Variants in MAPKAP1 observed in about 807,000 individuals in gnomAD.
MAPKAP1 encodes the protein MAPK associated protein 1.
In MAPKAP1, 20 loss-of-function variants were observed where a neutral mutation model predicts 65.7. That is an observed-to-expected ratio of 0.30 (90% CI 0.21 to 0.44). The LOEUF is 0.44. Ranked by LOEUF, MAPKAP1 falls within the 20% of genes least tolerant of loss-of-function variation. The pLI, the probability that MAPKAP1 is intolerant of heterozygous loss-of-function variation, is 1.00. For missense variants in MAPKAP1, 423 were observed against 648.0 expected, an observed-to-expected ratio of 0.65 and a Z score of 3.77; for synonymous variants, 222 against 244.3, an observed-to-expected ratio of 0.91 and a Z score of 0.85.
intron 4 of MAPKAP1, among the ~76,000 whole-genome samples, chr9:125,593,684 A>G (rs1270129730): frequency 6.6e-6 from 1 of 152,166 alleles, no homozygotes; most frequent in Non-Finnish European, 1.5e-5. Context: ...AAAAAAAGGT[A>G]ATAAATTCAC....
chr9:125,620,184 C>G (rs957853066), intron 4 of MAPKAP1, among the ~76,000 whole-genome samples: 2 of 152,124 alleles, frequency 1.3e-5, no homozygotes, highest in African/African-American at 2.4e-5. Flanking sequence ...TGGGGCACAC[C>G]TGTAATCCCA....
intron 7 of MAPKAP1, among the ~76,000 whole-genome samples, chr9:125,512,621 G>A (rs1352067756): frequency 2.6e-5 from 4 of 151,494 alleles, no homozygotes; most frequent in African/African-American, 4.9e-5. Flanking sequence ...TTGCTCTGTC[G>A]CCCAGGTTGG....
intron 7 of MAPKAP1, among the ~76,000 whole-genome samples, chr9:125,523,659 C>T (rs1295088204): frequency 6.6e-6 from 1 of 152,238 alleles, no homozygotes; most frequent in African/African-American, 2.4e-5. Context: ...AGAAAAATTA[C>T]ATTGCCTCTG....
intron 5 of MAPKAP1, among the ~76,000 whole-genome samples, chr9:125,580,215 T>C (rs995226893): frequency 1.3e-5 from 2 of 152,248 alleles, no homozygotes; most frequent in African/African-American, 4.8e-5. Context: ...TAAATCATGC[T>C]GCTATAAAGA....
At chr9:125,491,828 C>T (rs1178231749) in intron 8 of MAPKAP1, among the ~76,000 whole-genome samples, 1 of 151,704 alleles carries the variant, frequency 6.6e-6, no homozygotes, top group African/African-American at 2.4e-5. Context: ...CTGTCATTAA[C>T]ATTAATGAAA....
At chr9:125,698,292 T>TATATATATATATA (rs1835467409) in intron 1 of MAPKAP1, among the ~76,000 whole-genome samples, 3 of 3,964 alleles carry the variant, frequency 7.6e-4, no homozygotes, top group African/African-American at 3.4e-3. Context: ...TATATAAATA[T>TATATATATATATA]ATATATATAT....
At chr9:125,633,931 A>T (rs1833355693) in intron 4 of MAPKAP1, among the ~76,000 whole-genome samples, 2 of 152,226 alleles carry the variant, frequency 1.3e-5, no homozygotes, top group African/African-American at 4.8e-5. Flanking sequence ...TGCAGTAATA[A>T]TCAGGTGAAA....
intron 5 of MAPKAP1, among the ~76,000 whole-genome samples, chr9:125,579,698 C>T (rs2131564402): frequency 6.6e-6 from 1 of 152,336 alleles, no homozygotes; most frequent in Non-Finnish European, 1.5e-5. Context: ...AAAGCTCTTT[C>T]ACAGGGCCAA....
At chr9:125,693,716 T>TAC (rs1227268305) in intron 1 of MAPKAP1, among the ~76,000 whole-genome samples, 1 of 67,994 alleles carries the variant, frequency 1.5e-5, no homozygotes, top group African/African-American at 4.2e-5. Flanking sequence ...TACACATATA[T>TAC]ACACGTATAT....
rs1294277561 is a variant in MAPKAP1, at chr9:125,544,029, T to TC, written c.849-862_849-861insG. Among the ~76,000 whole-genome samples, 205 of 151,390 alleles carry TC rather than the reference T, an allele frequency of 1.4e-3. 1 individual carries two copies. Among genetic ancestry groups the TC allele is most frequent in the Non-Finnish European group, 2.0e-3 (138 of 67,714 alleles). ...ATATTTCTTTATTCATACACACACT[T>TC]TTTTTTTTGAGATGTCTGTCACCCA... On this transcript the variant is annotated intron_variant, in intron 6 of 11. Coordinates refer to ENST00000265960, the MANE Select transcript of MAPKAP1 (RefSeq NM_001006617.3).
At chr9:125,531,066 G>A (rs1829919990) in intron 7 of MAPKAP1, among the ~76,000 whole-genome samples, 1 of 152,252 alleles carries the variant, frequency 6.6e-6, no homozygotes, top group African/African-American at 2.4e-5. Context: ...AAAGGGACAG[G>A]TGGCCTGGGG....
At chr9:125,630,500 T>C (rs961109503) in intron 4 of MAPKAP1, among the ~76,000 whole-genome samples, 3 of 152,150 alleles carry the variant, frequency 2.0e-5, no homozygotes, top group African/African-American at 7.2e-5. Flanking sequence ...AGGTGCTTTG[T>C]AAAACACTAT....
intron 6 of MAPKAP1, among the ~76,000 whole-genome samples, chr9:125,545,287 A>C (rs1830391095): frequency 6.6e-6 from 1 of 152,270 alleles, no homozygotes; most frequent in African/African-American, 2.4e-5. Flanking sequence ...TACTTTGGCA[A>C]GAGTACTGAA....
intron 1 of MAPKAP1, among the ~76,000 whole-genome samples, chr9:125,705,171 A>C (rs950435711): frequency 6.6e-5 from 10 of 152,198 alleles, no homozygotes; most frequent in Non-Finnish European, 1.3e-4. Flanking sequence ...TTTGGTTTCA[A>C]TATGTACTTG....
At chr9:125,480,138 T>C (rs926611946) in intron 9 of MAPKAP1, among the ~76,000 whole-genome samples, 8 of 152,184 alleles carry the variant, frequency 5.3e-5, no homozygotes, top group Admixed American at 2.6e-4. Context: ...GAGGGTGATA[T>C]CTGCTTTGTA....
At chr9:125,529,626 A>G (rs1239073961) in intron 7 of MAPKAP1, among the ~76,000 whole-genome samples, 4 of 152,242 alleles carry the variant, frequency 2.6e-5, no homozygotes. Flanking sequence ...GAGTTCCAAT[A>G]GACCACCTTG....
At chr9:125,636,758 C>G (rs1474769421) in intron 4 of MAPKAP1, among the ~76,000 whole-genome samples, 1 of 152,224 alleles carries the variant, frequency 6.6e-6, no homozygotes, top group Non-Finnish European at 1.5e-5. Context: ...ACCACTCCTA[C>G]CAGCAAGGCT....
At chr9:125,700,174 G>T (rs1202441288) in intron 1 of MAPKAP1, among the ~76,000 whole-genome samples, 1 of 152,166 alleles carries the variant, frequency 6.6e-6, no homozygotes, top group Non-Finnish European at 1.5e-5. Flanking sequence ...TTCTTCGTTA[G>T]TCTCCTTTAT....
At chr9:125,589,834 T>C (rs1831900279) in intron 4 of MAPKAP1, among the ~76,000 whole-genome samples, 1 of 152,218 alleles carries the variant, frequency 6.6e-6, no homozygotes, top group Non-Finnish European at 1.5e-5. Flanking sequence ...TGTCCCTCTC[T>C]TGCACGTGTG....
Sources: allele counts gnomAD v4.1 joint callset (sites outside exome capture counted in the v4.1 genomes callset), GRCh38; gene constraint gnomAD v4.1.1; transcripts MANE v1.5; gene names NCBI Gene and HGNC (gene_info 2026-07-23, HGNC 2026-07-21).